Variants in EML4 observed in about 807,000 individuals in gnomAD.
EML4 encodes echinoderm microtubule-associated protein-like 4.
EML4 carries 72 observed loss-of-function variants against 129.0 expected under a neutral mutation model. The ratio of observed to expected loss-of-function variants is 0.56; its 90% CI spans 0.46 to 0.68. The LOEUF (loss-of-function observed/expected upper bound fraction) is 0.68. Among genes scored for constraint, EML4 ranks in the 30% least tolerant of loss-of-function variants. The pLI is 0.00. For missense variants in EML4, 1,363 were observed against 1,190.6 expected, an observed-to-expected ratio of 1.14 and a Z score of -2.13; for synonymous variants, 532 against 405.0, an observed-to-expected ratio of 1.31 and a Z score of -3.77.
At chr2:42,297,867 T>G (rs1668048932) in intron 13 of EML4, among the ~76,000 whole-genome samples, 1 of 152,178 alleles carries the variant, frequency 6.6e-6, no homozygotes, top group South Asian at 2.1e-4. Context: ...AAAACTGTAT[T>G]TTATGTCTTA....
chr2:42,171,932 A>G (rs970633293), intron 1 of EML4, among the ~76,000 whole-genome samples: 3 of 152,200 alleles, frequency 2.0e-5, no homozygotes, highest in African/African-American at 7.2e-5. Context: ...AGCTCTTGCC[A>G]AATTGCTTGT....
intron 2 of EML4, among the ~76,000 whole-genome samples, chr2:42,255,307 G>C (rs984657268): frequency 6.6e-6 from 1 of 151,922 alleles, no homozygotes; most frequent in Non-Finnish European, 1.5e-5. Flanking sequence ...GGATGGACTC[G>C]ATCTCCTGAC....
chr2:42,231,893 G>A (rs1399221141), intron 1 of EML4, among the ~76,000 whole-genome samples: 1 of 151,894 alleles, frequency 6.6e-6, no homozygotes, highest in African/African-American at 2.4e-5. Context: ...AGCTTGCAGT[G>A]AGCCAAGATC....
chr2:42,270,401 A>G (rs1032066583), intron 6 of EML4, among the ~76,000 whole-genome samples: 2 of 152,206 alleles, frequency 1.3e-5, no homozygotes, highest in African/African-American at 4.8e-5. Flanking sequence ...TCTACCAAAA[A>G]TACAAAAAAT....
chr2:42,222,843 G>T (rs899188867), intron 1 of EML4, among the ~76,000 whole-genome samples: 1 of 152,060 alleles, frequency 6.6e-6, no homozygotes, highest in Non-Finnish European at 1.5e-5. Flanking sequence ...TTGTCGCCTA[G>T]GCTGGAGTGC....
At chr2:42,324,902 T>C (rs1241679206) in intron 19 of EML4, among the ~76,000 whole-genome samples, 2 of 152,226 alleles carry the variant, frequency 1.3e-5, no homozygotes, top group Non-Finnish European at 2.9e-5. Flanking sequence ...ATCATGATTT[T>C]ATTGAGACCT....
intron 1 of EML4, among the ~76,000 whole-genome samples, chr2:42,199,732 G>A (rs1268056715): frequency 2.6e-5 from 4 of 152,114 alleles, no homozygotes; most frequent in Admixed American, 6.5e-5. Context: ...TAGTGAAAAA[G>A]GTTGGAAAAG....
At chr2:42,217,277 C>G (rs1405716794) in intron 1 of EML4, among the ~76,000 whole-genome samples, 2 of 152,104 alleles carry the variant, frequency 1.3e-5, no homozygotes, top group Non-Finnish European at 2.9e-5. Context: ...TACAGTCCTC[C>G]TGTACTGAAC....
intron 1 of EML4, among the ~76,000 whole-genome samples, chr2:42,217,242 GACAA>G (rs1572562061): frequency 6.6e-6 from 1 of 152,022 alleles, no homozygotes; most frequent in Non-Finnish European, 1.5e-5. Context: ...TTGAACTCTA[GACAA>G]ACAAATTGTA....
chr2:42,173,502 G>C (rs1357964979), intron 1 of EML4, among the ~76,000 whole-genome samples: 1 of 152,168 alleles, frequency 6.6e-6, no homozygotes, highest in African/African-American at 2.4e-5. Flanking sequence ...TTATGGGAAA[G>C]ACAAGTAAAA....
At chr2:42,269,123 T>C (rs1193699977) in intron 6 of EML4, among the ~76,000 whole-genome samples, 2 of 152,184 alleles carry the variant, frequency 1.3e-5, no homozygotes, top group African/African-American at 4.8e-5. Context: ...TCTTAGAAAA[T>C]TGAGAAGTAA....
intron 1 of EML4, among the ~76,000 whole-genome samples, chr2:42,172,664 T>A (rs904680251): frequency 8.6e-5 from 13 of 151,938 alleles, no homozygotes; most frequent in Non-Finnish European, 1.6e-4. Context: ...TTTTTTTTTT[T>A]AAACTTAGGA....
intron 1 of EML4, among the ~76,000 whole-genome samples, chr2:42,217,821 A>C (rs1673291863): frequency 6.6e-6 from 1 of 152,322 alleles, no homozygotes; most frequent in Admixed American, 6.5e-5. Flanking sequence ...AATGGTCTGA[A>C]TTTGATCTCC....
chr2:42,198,847 GTC>G (rs1282038113), intron 1 of EML4, among the ~76,000 whole-genome samples: 1 of 152,184 alleles, frequency 6.6e-6, no homozygotes, highest in Non-Finnish European at 1.5e-5. Flanking sequence ...CCTTCCCTGT[GTC>G]TCTCTCTGCA....
At position 42,331,090 on chromosome 2, in the gene EML4, C is replaced by A. The variant is rs370226736; in HGVS notation, c.*883C>A. 1.4e-5 allele frequency: 3 copies of A among 218,006 alleles called. No homozygotes were observed. The East Asian group carries it at 2.1e-4, about 15-fold the overall frequency. The allele number at this position is 218,006 out of a possible 1,614,324, so 13.5% of individuals were successfully genotyped here. On this transcript the variant is annotated 3_prime_UTR_variant, in exon 23 of 23. Transcript: ENST00000318522. ...AATTACCTGGCTAATTTCAGCTAAG[C>A]CTTCATCATAATTTGTTCCCTCAGT...
chr2:42,227,826 A>C (rs569101055), intron 1 of EML4, among the ~76,000 whole-genome samples: 1 of 152,350 alleles, frequency 6.6e-6, no homozygotes, highest in African/African-American at 2.4e-5. Context: ...AAACTATAGA[A>C]TATATATAAC....
chr2:42,270,660 C>T (rs1225339800), intron 6 of EML4, among the ~76,000 whole-genome samples: 3 of 152,086 alleles, frequency 2.0e-5, no homozygotes, highest in Non-Finnish European at 2.9e-5. Context: ...ATTGTGTCAC[C>T]TATTGAGAGG....
intron 7 of EML4, among the ~76,000 whole-genome samples, chr2:42,281,176 A>G (rs541032656): frequency 6.6e-6 from 1 of 152,060 alleles, no homozygotes; most frequent in Non-Finnish European, 1.5e-5. Flanking sequence ...GGCGGATCAC[A>G]AAGTCAGTAG....
chr2:42,246,831 TAAAAC>T (rs1262594170), intron 2 of EML4, among the ~76,000 whole-genome samples: 1 of 152,130 alleles, frequency 6.6e-6, no homozygotes, highest in African/African-American at 2.4e-5. Flanking sequence ...AGATGTCAAA[TAAAAC>T]AAAGACTGAG....
Sources: gnomAD v4.1 joint callset for allele counts (sites outside exome capture counted in the v4.1 genomes callset) on GRCh38, gnomAD v4.1.1 for gene constraint, MANE v1.5 for transcripts, NCBI Gene and HGNC (gene_info 2026-07-23, HGNC 2026-07-21) for gene names.